The following MARK3 variants were observed in gnomAD, a reference collection of about 807,000 sequenced individuals.
MARK3 encodes microtubule affinity regulating kinase 3.
In MARK3, 46 loss-of-function variants were observed where a neutral mutation model predicts 90.1. That is an observed-to-expected ratio of 0.51 (90% confidence interval 0.40 to 0.65). The LOEUF (loss-of-function observed/expected upper bound fraction) is 0.65, where lower values mean the gene tolerates loss of function less well. Among genes scored for constraint, MARK3 ranks in the 30% least tolerant of loss-of-function variants. MARK3 has a pLI of 0.00. For missense variants in MARK3, 818 were observed against 947.2 expected (o/e 0.86, Z 1.79); for synonymous variants, 321 against 332.6 (o/e 0.97, Z 0.38).
In MARK3 at chr14:103,475,179, C is replaced by T; in HGVS notation, c.1451C>T (p.Pro484Leu). 6.2e-7 allele frequency: 1 copy of T among 1,613,700 alleles called. No homozygotes were observed. Among genetic ancestry groups the T allele is most frequent in the Non-Finnish European group, 8.5e-7 (1 of 1,180,016 alleles). Reference sequence around the variant, plus strand: ...AGTAATCCTAATAAGGCGGATATTCCTGAACGCAAGAAAAGCTCCACTGTC... The same window carrying T: ...AGTAATCCTAATAAGGCGGATATTCTTGAACGCAAGAAAAGCTCCACTGTC... ...NASNPNKADI[P>L]ERKKSSTVPS... Residue 484 changes from proline (P) to leucine (L), a missense_variant, in exon 13 of 18, where the codon CCT (proline) becomes CTT (leucine). This residue lies in a region of MARK3 where 560 missense variants were observed against 613.5 expected (regional missense o/e 0.91). Coordinates refer to ENST00000429436, the MANE Select transcript of MARK3 (RefSeq NM_001128918.3).
rs1358156331 is a variant in MARK3 at position 103,491,920 on chromosome 14, A to G, written c.1730A>G (p.Tyr577Cys). 7 of 1,614,134 alleles carry G rather than the reference A, an allele frequency of 4.3e-6. No homozygotes were observed. Among genetic ancestry groups the G allele is most frequent in the Non-Finnish European group, 8.5e-7 (1 of 1,180,038 alleles). The change falls in exon 15 of 18, where the codon TAT becomes TGT. Residue 577 changes from tyrosine to cysteine, a missense_variant. By Grantham distance (194) the Tyr-to-Cys change is radical (BLOSUM62 -2). Around this residue, in one of 3 missense-constraint regions of MARK3, gnomAD observed 560 missense variants for 613.5 expected, o/e 0.91. Transcript: ENST00000429436. ...GQPRERRTAT[Y>C]NGPPASPSLS... ...CCCCGGGAACGGCGAACCGCAACATATAATGGCCCTCCTGCCTCTCCCAGC... is the reference window on the plus strand; with the variant it reads ...CCCCGGGAACGGCGAACCGCAACATGTAATGGCCCTCCTGCCTCTCCCAGC...
At chr14:103,451,243 A>G (rs2093140880) in intron 4 of MARK3, among the ~76,000 whole-genome samples, 1 of 152,034 alleles carries the variant, frequency 6.6e-6, no homozygotes, top group Non-Finnish European at 1.5e-5. Flanking sequence ...AAAAATGTAT[A>G]TATTTCTAAT....
chr14:103,490,808 C>A, intron 14 of MARK3: 1 of 357,630 alleles, frequency 2.8e-6, no homozygotes, highest in East Asian at 1.3e-4. Context: ...CCAGAATCTC[C>A]AAAACAAGCT....
chr14:103,499,846 C>T (rs553094409), intron 16 of MARK3: 73 of 246,416 alleles, frequency 3.0e-4, no homozygotes, highest in South Asian at 2.6e-3. Flanking sequence ...CAGGAGTGCC[C>T]GCTGTGCGTG....
At chr14:103,406,584 G>A (rs1322213796) in intron 2 of MARK3, among the ~76,000 whole-genome samples, 2 of 151,470 alleles carry the variant, frequency 1.3e-5, no homozygotes, top group Admixed American at 1.3e-4. Context: ...AGGTGTCTGG[G>A]AGTTTTTTGT....
chr14:103,458,454 CAAAA>C (rs36020485), intron 6 of MARK3, among the ~76,000 whole-genome samples: 2 of 30,776 alleles, frequency 6.5e-5, no homozygotes, highest in Non-Finnish European at 1.2e-4. Flanking sequence ...GACTCCATCT[CAAAA>C]AAAAAAAAAA....
At chr14:103,403,091 A>G (rs930244559) in intron 1 of MARK3, among the ~76,000 whole-genome samples, 7 of 130,720 alleles carry the variant, frequency 5.4e-5, no homozygotes, top group African/African-American at 2.0e-4. Flanking sequence ...TACGAATAGG[A>G]TGACCCAATT....
chr14:103,449,650 G>A (rs2093083595), intron 4 of MARK3, among the ~76,000 whole-genome samples: 1 of 152,136 alleles, frequency 6.6e-6, no homozygotes, highest in Non-Finnish European at 1.5e-5. Context: ...TAAAGATGAG[G>A]AAGGAGCGAC....
At chr14:103,482,167 A>G (rs138041191) in intron 14 of MARK3, among the ~76,000 whole-genome samples, 1 of 152,306 alleles carries the variant, frequency 6.6e-6, no homozygotes, top group East Asian at 1.9e-4. Flanking sequence ...AATAGAAAAT[A>G]TCAATAGAAG....
intron 3 of MARK3, among the ~76,000 whole-genome samples, chr14:103,444,406 C>T (rs948196172): frequency 6.6e-6 from 1 of 152,070 alleles, no homozygotes; most frequent in Non-Finnish European, 1.5e-5. Flanking sequence ...TATACGTTTC[C>T]ATGTAATTTG....
chr14:103,473,923 G>A (rs1005030634), intron 12 of MARK3, among the ~76,000 whole-genome samples: 1 of 151,802 alleles, frequency 6.6e-6, no homozygotes, highest in African/African-American at 2.4e-5. Context: ...CAGGCTGGGC[G>A]CAGTAGCTCA....
At position 103,436,083 on chromosome 14, in the gene MARK3, G is replaced by C. The variant is rs181373200; in HGVS notation, c.297+7643G>C. Among the ~76,000 whole-genome samples the C allele has an allele frequency of 1.1e-4, 17 of 152,170 alleles. No individual in the cohort carries two copies. In the East Asian group the frequency reaches 3.3e-3, roughly 29 times the overall value. On this transcript the variant is annotated intron_variant, in intron 3 of 17. Transcript: ENST00000429436. Reference sequence around the variant, plus strand: ...TTTTTGTATTTTTAGTAGAGACAGGGTTTCACCGTGTTAGCCAGGCTGGTC... The same window carrying C: ...TTTTTGTATTTTTAGTAGAGACAGGCTTTCACCGTGTTAGCCAGGCTGGTC...
chr14:103,390,065 G>A (rs1371113226), intron 1 of MARK3, among the ~76,000 whole-genome samples: 8 of 151,396 alleles, frequency 5.3e-5, no homozygotes, highest in African/African-American at 9.7e-5. Context: ...TGGCTAACAC[G>A]GTGAAACCCT....
At chr14:103,479,195 T>C (rs935662117) in intron 13 of MARK3, among the ~76,000 whole-genome samples, 10 of 152,044 alleles carry the variant, frequency 6.6e-5, no homozygotes, top group African/African-American at 2.2e-4. Context: ...TTATTTTTTC[T>C]GTTTGTTTGT....
intron 1 of MARK3, among the ~76,000 whole-genome samples, chr14:103,394,573 A>G (rs898806720): frequency 6.6e-6 from 1 of 152,172 alleles, no homozygotes. Context: ...TCTGTGGGTT[A>G]TGTGGGACCT....
intron 3 of MARK3, among the ~76,000 whole-genome samples, chr14:103,440,551 G>C (rs1442356287): frequency 6.6e-6 from 1 of 152,156 alleles, no homozygotes; most frequent in Non-Finnish European, 1.5e-5. Context: ...AGTGAGCTGA[G>C]ATTGCGCCAC....
chr14:103,491,413 AC>A (rs1302223315), intron 14 of MARK3: 1 of 219,178 alleles, frequency 4.6e-6, no homozygotes. Context: ...TTCTTCAGTT[AC>A]GCCAGCATAT....
rs1323094505 is a variant in MARK3, at chr14:103,405,120, C to T, written c.96C>T (p.Thr32=). 1.2e-6 allele frequency: 2 copies of T among 1,613,966 alleles called. No homozygotes were observed. Among genetic ancestry groups the T allele is most frequent in the African/African-American group, 1.3e-5 (1 of 75,024 alleles). Residue 32 remains threonine (T), a synonymous_variant, in exon 2 of 18, where the codon ACC becomes ACT. Transcript: ENST00000429436. ...GDGRQEVTSR[T]SRSGARCRNS... is the part of the protein sequence containing the mutation. ...GGCGTCAAGAAGTTACCTCTCGTACCAGCCGCTCAGGAGCTCGGTGTAGAA... is the reference window on the plus strand; with the variant it reads ...GGCGTCAAGAAGTTACCTCTCGTACTAGCCGCTCAGGAGCTCGGTGTAGAA...
At chr14:103,440,577 C>T (rs1358663917) in intron 3 of MARK3, among the ~76,000 whole-genome samples, 4 of 149,948 alleles carry the variant, frequency 2.7e-5, no homozygotes, top group East Asian at 2.0e-4. Flanking sequence ...TCCAGCCTGG[C>T]GACAGAGCAA....
Sources: allele counts gnomAD v4.1 joint callset (sites outside exome capture counted in the v4.1 genomes callset), GRCh38; gene constraint gnomAD v4.1.1; regional missense constraint gnomAD v4.1.1; transcripts MANE v1.5; gene names NCBI Gene and HGNC (gene_info 2026-07-23, HGNC 2026-07-21).